Variants in KIF6 observed in about 807,000 individuals in gnomAD.
KIF6 encodes the protein kinesin-like protein KIF6.
In KIF6, 106 loss-of-function variants were observed where a neutral mutation model predicts 112.7. That is an observed-to-expected ratio of 0.94 (90% confidence interval 0.80 to 1.11). The LOEUF (loss-of-function observed/expected upper bound fraction) is 1.11, where lower values mean the gene tolerates loss of function less well. KIF6 is among the 50% of genes least tolerant of loss of function. The pLI is 0.00. For missense variants in KIF6, 929 were observed against 964.0 expected, an observed-to-expected ratio of 0.96 and a Z score of 0.48; for synonymous variants, 339 against 339.9, an observed-to-expected ratio of 1.00 and a Z score of 0.03.
Position 39,477,934 on chromosome 6 carries a change from G to A in KIF6, c.1646-46773C>T, listed in dbSNP as rs187136797. Among the ~76,000 whole-genome samples, 42 of 152,120 alleles carry A rather than the reference G, an allele frequency of 2.8e-4. No homozygotes were observed. In the East Asian group the frequency reaches 7.0e-3, roughly 25 times the overall value. ...TGAGGTTTACAACATGATATCATGGGATATACATATATAGAAAGTGAAATG... is the reference window on the plus strand; with the variant it reads ...TGAGGTTTACAACATGATATCATGGAATATACATATATAGAAAGTGAAATG... On this transcript the variant is annotated intron_variant, in intron 13 of 22. Coordinates refer to ENST00000287152, the MANE Select transcript of KIF6 (RefSeq NM_145027.6).
At chr6:39,638,727 T>C (rs768791133) in intron 4 of KIF6, among the ~76,000 whole-genome samples, 17 of 152,130 alleles carry the variant, frequency 1.1e-4, no homozygotes, top group Non-Finnish European at 2.4e-4. Flanking sequence ...AGACATGTAT[T>C]ATACAGAAGT....
chr6:39,591,096 G>C (rs1561843300), intron 7 of KIF6, among the ~76,000 whole-genome samples: 1 of 152,146 alleles, frequency 6.6e-6, no homozygotes, highest in African/African-American at 2.4e-5. Context: ...AGGTTCAGTA[G>C]GCATGAGCGT....
chr6:39,648,667 T>C (rs753095458), intron 3 of KIF6, among the ~76,000 whole-genome samples: 1 of 152,184 alleles, frequency 6.6e-6, no homozygotes, highest in Non-Finnish European at 1.5e-5. Flanking sequence ...CCTAAAGGTA[T>C]GTTACTTGCC....
chr6:39,482,887 C>T (rs1774883877), intron 13 of KIF6, among the ~76,000 whole-genome samples: 1 of 152,184 alleles, frequency 6.6e-6, no homozygotes, highest in African/African-American at 2.4e-5. Context: ...CCTATGCAGA[C>T]AAGGAAACTG....
At chr6:39,587,601 C>G (rs80099548) in intron 7 of KIF6, among the ~76,000 whole-genome samples, 16,793 of 151,968 alleles carry the variant, frequency 0.11, 984 homozygotes, top group Middle Eastern at 0.14. Flanking sequence ...TCACCCTCTC[C>G]TCTCCTCAAT....
At chr6:39,665,774 A>G (rs1315963700) in intron 3 of KIF6, among the ~76,000 whole-genome samples, 2 of 151,962 alleles carry the variant, frequency 1.3e-5, no homozygotes, top group Non-Finnish European at 2.9e-5. Context: ...TTAATTTTCT[A>G]TGTGACGCTG....
chr6:39,575,399 T>C (rs568517316), intron 10 of KIF6, among the ~76,000 whole-genome samples: 39 of 151,816 alleles, frequency 2.6e-4, no homozygotes, highest in Non-Finnish European at 5.0e-4. Flanking sequence ...GCCTCCCGAG[T>C]AGCTGGGACT....
At chr6:39,498,125 C>T (rs1775893015) in intron 13 of KIF6, among the ~76,000 whole-genome samples, 1 of 151,982 alleles carries the variant, frequency 6.6e-6, no homozygotes, top group Non-Finnish European at 1.5e-5. Context: ...GAAACATGGG[C>T]CTATACAGAG....
At chr6:39,413,319 A>C (rs535300777) in intron 15 of KIF6, among the ~76,000 whole-genome samples, 2 of 152,256 alleles carry the variant, frequency 1.3e-5, no homozygotes, top group East Asian at 1.9e-4. Context: ...GCCATAGATA[A>C]ATTTCTGTAA....
chr6:39,612,973 T>A (rs1454745077), intron 6 of KIF6, among the ~76,000 whole-genome samples: 1 of 152,214 alleles, frequency 6.6e-6, no homozygotes, highest in Non-Finnish European at 1.5e-5. Context: ...GGTCTAGATT[T>A]CTGTTCCTGC....
At chr6:39,724,985 C>T (rs1341688552) in intron 1 of KIF6, among the ~76,000 whole-genome samples, 1 of 152,150 alleles carries the variant, frequency 6.6e-6, no homozygotes, top group African/African-American at 2.4e-5. Flanking sequence ...ACACGTGTGC[C>T]TGGGTGCAAA....
chr6:39,509,493 G>C (rs895672748), intron 13 of KIF6, among the ~76,000 whole-genome samples: 1 of 152,190 alleles, frequency 6.6e-6, no homozygotes, highest in Admixed American at 6.5e-5. Flanking sequence ...AAAAAGGTTA[G>C]ACAAATGGCT....
At chr6:39,619,972 C>T (rs1196395651) in intron 5 of KIF6, among the ~76,000 whole-genome samples, 1 of 152,296 alleles carries the variant, frequency 6.6e-6, no homozygotes, top group Non-Finnish European at 1.5e-5. Context: ...TATCACTTCA[C>T]AACCATCAAT....
At chr6:39,642,291 T>C (rs552251804) in intron 3 of KIF6, among the ~76,000 whole-genome samples, 2 of 152,284 alleles carry the variant, frequency 1.3e-5, no homozygotes, top group East Asian at 3.9e-4. Context: ...CCAAGAAGTG[T>C]TTATGTAAGA....
intron 13 of KIF6, among the ~76,000 whole-genome samples, chr6:39,443,392 A>C: frequency 6.6e-6 from 1 of 152,070 alleles, no homozygotes; most frequent in East Asian, 1.9e-4. Flanking sequence ...TCTATGCCTA[A>C]ATTAGGAATG....
intron 3 of KIF6, among the ~76,000 whole-genome samples, chr6:39,712,592 C>T (rs545095753): frequency 3.3e-5 from 5 of 152,200 alleles, no homozygotes; most frequent in East Asian, 1.9e-4. Context: ...GGGCCAGGTG[C>T]GGTGGCTCAC....
chr6:39,709,007 G>A (rs1367603026), intron 3 of KIF6, among the ~76,000 whole-genome samples: 1 of 151,970 alleles, frequency 6.6e-6, no homozygotes, highest in Non-Finnish European at 1.5e-5. Flanking sequence ...AAATTAATGA[G>A]CAAAATTCAG....
rs560638295 is a variant in KIF6, at chr6:39,520,951, T to C, written c.1645+19052A>G. ...GTCAGAACAATTGATAGATGTTTTA[T>C]AAAGATCATGTTTTTTGCTACAAAC... On this transcript the variant is annotated intron_variant, in intron 13 of 22. Transcript: ENST00000287152. Among the ~76,000 whole-genome samples, 3 of 152,362 alleles carry C rather than the reference T, an allele frequency of 2.0e-5. No individual in the cohort carries two copies. In the South Asian group the frequency reaches 6.2e-4, roughly 32 times the overall value.
intron 3 of KIF6, among the ~76,000 whole-genome samples, chr6:39,692,794 T>C (rs116828385): frequency 1.1e-4 from 16 of 152,292 alleles, no homozygotes; most frequent in Non-Finnish European, 1.9e-4. Context: ...CCTTAAAGGA[T>C]TTGCAATACA....
Sources: gnomAD v4.1 joint callset for allele counts (sites outside exome capture counted in the v4.1 genomes callset) on GRCh38, gnomAD v4.1.1 for gene constraint, MANE v1.5 for transcripts, NCBI Gene and HGNC (gene_info 2026-07-23, HGNC 2026-07-21) for gene names.